Variants in CTF1 observed in about 807,000 individuals in gnomAD.
The protein encoded by CTF1 is cardiotrophin 1.
A neutral mutation model predicts 10.9 loss-of-function variants in CTF1; 9 were observed. The ratio of observed to expected loss-of-function variants is 0.83; its 90% CI spans 0.50 to 1.44. The LOEUF is 1.44. CTF1 is among the 40% of genes most tolerant of loss of function. CTF1 has a pLI of 0.00. For missense variants in CTF1, 259 were observed against 275.3 expected (o/e 0.94, Z 0.42); for synonymous variants, 133 against 138.8 (o/e 0.96, Z 0.29).
intron 1 of CTF1, among the ~76,000 whole-genome samples, chr16:30,897,840 G>T (rs894835418): frequency 6.6e-6 from 1 of 152,114 alleles, no homozygotes; most frequent in Non-Finnish European, 1.5e-5. Context: ...GGGCGAAAGA[G>T]CAAGACTCCG....
Position 30,902,302 on chromosome 16 carries a change from G to A in CTF1, c.369G>A (p.Glu123=). 2.0e-6 allele frequency: 2 copies of A among 1,007,048 alleles called. No homozygotes were observed. Among genetic ancestry groups the A allele is most frequent in the Non-Finnish European group, 2.4e-6 (2 of 846,664 alleles). 62.4% of individuals were successfully genotyped at this position (1,007,048 alleles called of 1,614,324 possible). ...PRAPRLLRRL[E]DAARQARALG... is the part of the protein sequence containing the mutation. ...CGCCGCGCCTGCTGCGCCGCCTGGAGGACGCGGCGCGCCAGGCCCGGGCCC... is the reference window on the plus strand; with the variant it reads ...CGCCGCGCCTGCTGCGCCGCCTGGAAGACGCGGCGCGCCAGGCCCGGGCCC... The change falls in exon 3 of 3, where the codon GAG becomes GAA. Residue 123 remains glutamate (E), a synonymous_variant. Coordinates refer to ENST00000279804, the MANE Select transcript of CTF1 (RefSeq NM_001330.5).
chr16:30,901,172 C>T (rs1302884151), intron 2 of CTF1, among the ~76,000 whole-genome samples: 5 of 152,130 alleles, frequency 3.3e-5, no homozygotes, highest in Admixed American at 6.6e-5. Context: ...GGATTACAGG[C>T]GTGAGTCACC....
intron 2 of CTF1, among the ~76,000 whole-genome samples, chr16:30,899,836 C>G (rs1376280445): frequency 1.3e-5 from 2 of 152,200 alleles, no homozygotes; most frequent in Non-Finnish European, 2.9e-5. Flanking sequence ...ATTGCAGCCT[C>G]AACCTCCTGG....
intron 1 of CTF1, among the ~76,000 whole-genome samples, chr16:30,897,675 G>A (rs1012613498): frequency 3.3e-5 from 5 of 152,148 alleles, no homozygotes; most frequent in African/African-American, 9.6e-5. Flanking sequence ...GCAACATGGC[G>A]AAACCCTGTC....
intron 1 of CTF1, 136 bp downstream of exon 1, chr16:30,896,804 G>C: frequency 1.4e-6 from 1 of 702,708 alleles, no homozygotes; most frequent in Non-Finnish European, 2.0e-6. Flanking sequence ...CAGGGCTCCG[G>C]TGTCAGGTAA....
intron 2 of CTF1, among the ~76,000 whole-genome samples, chr16:30,901,025 C>T (rs1379413180): frequency 2.6e-5 from 4 of 151,902 alleles, no homozygotes; most frequent in Non-Finnish European, 5.9e-5. Context: ...TCCTGAGTAG[C>T]TGGGATTACA....
intron 2 of CTF1, among the ~76,000 whole-genome samples, chr16:30,901,576 CTATT>C (rs1378819441): frequency 1.3e-5 from 2 of 151,844 alleles, no homozygotes; most frequent in South Asian, 2.1e-4. Context: ...TTATTAGGTC[CTATT>C]TATTTATTTA....
Position 30,897,077 on chromosome 16 carries a change from A to C in CTF1, c.25+409A>C, listed in dbSNP as rs569124211. On this transcript the variant is annotated intron_variant, in intron 1 of 2. Coordinates refer to ENST00000279804, the MANE Select transcript of CTF1 (RefSeq NM_001330.5). The stretch of plus-strand genomic sequence containing the variant: ...AGTAGTGAGTGACAACAGGAGACGA[A>C]AGTCTGGGCTGCTGAGGATCGCGAC... Among the ~76,000 whole-genome samples, 29 of 142,136 alleles carry C rather than the reference A, an allele frequency of 2.0e-4. No individual in the cohort carries two copies. In the East Asian group the frequency reaches 6.8e-3, roughly 33 times the overall value. The allele number at this position is 142,136 out of a possible 152,430, so 93.2% of individuals were successfully genotyped here. A position where few individuals can be genotyped will look rare whatever the true frequency, so the allele number is the denominator to read the frequency against.
In CTF1 at chr16:30,896,759, G is replaced by A. The variant is rs990972294; in HGVS notation, c.25+91G>A. ...GGGGGTCTGGGTTTCCGCCACCCCC[G>A]GGTCCGGGAGGGGAGCGGCCTTGGC... On this transcript the variant is annotated intron_variant, in intron 1 of 2. Coordinates refer to ENST00000279804, the MANE Select transcript of CTF1 (RefSeq NM_001330.5). 4.4e-6 allele frequency: 5 copies of A among 1,141,638 alleles called. No homozygotes were observed. In the African/African-American group the frequency reaches 6.4e-5, roughly 15 times the overall value. The allele number at this position is 1,141,638 out of a possible 1,614,324, so 70.7% of individuals were successfully genotyped here.
At chr16:30,898,054 G>A (rs1049236533) in intron 1 of CTF1, among the ~76,000 whole-genome samples, 4 of 151,210 alleles carry the variant, frequency 2.6e-5, no homozygotes, top group Non-Finnish European at 5.9e-5. Flanking sequence ...GTAGAGATGA[G>A]GTTTCATCAT....
At chr16:30,897,590 A>G (rs528343873) in intron 1 of CTF1, among the ~76,000 whole-genome samples, 2 of 152,312 alleles carry the variant, frequency 1.3e-5, no homozygotes, top group Non-Finnish European at 2.9e-5. Flanking sequence ...CATGCACTGC[A>G]TAACAACATT....
chr16:30,896,565 G>A (rs2055351293), upstream of CTF1: 18 of 1,218,596 alleles, frequency 1.5e-5, no homozygotes, highest in Non-Finnish European at 1.9e-5. Flanking sequence ...CTGCGCCCGG[G>A]CCACGCCCCC....
intron 1 of CTF1, among the ~76,000 whole-genome samples, chr16:30,898,908 C>T (rs1023530176): frequency 1.3e-5 from 2 of 152,186 alleles, no homozygotes; most frequent in Non-Finnish European, 2.9e-5. Context: ...ATCCACCTGC[C>T]TTGGCCTCCC....
At chr16:30,902,001 G>A (rs1320826779) in intron 2 of CTF1, 77 bp from the exon 3 acceptor site, 8 of 1,258,256 alleles carry the variant, frequency 6.4e-6, no homozygotes, top group African/African-American at 1.6e-5. Context: ...CCCCCAGAGA[G>A]CGGGTTGGAG....
chr16:30,902,617 T>C lies in CTF1; in HGVS notation c.*78T>C. 7.1e-7 allele frequency: 1 copy of C among 1,402,654 alleles called. No individual in the cohort carries two copies. The highest frequency in any genetic ancestry group is 9.3e-7 in the Non-Finnish European group (1 of 1,072,528). The allele number at this position is 1,402,654 out of a possible 1,614,324, so 86.9% of individuals were successfully genotyped here. On this transcript the variant is annotated 3_prime_UTR_variant, in exon 3 of 3. Transcript: ENST00000279804. The stretch of plus-strand genomic sequence containing the variant: ...CCGCTTCTTTGTCTTTCTCTGCCGC[T>C]GTCGGTGTCTGTCTGTCTGCTCTTA...
Position 30,902,648 on chromosome 16 carries a change from C to T in CTF1, c.*109C>T. 1.5e-6 allele frequency: 2 copies of T among 1,321,372 alleles called. No homozygotes were observed. The highest frequency in any genetic ancestry group is 1.9e-6 in the Non-Finnish European group (2 of 1,027,224). 81.9% of individuals were successfully genotyped at this position (1,321,372 alleles called of 1,614,324 possible). A position where few individuals can be genotyped will look rare whatever the true frequency, so the allele number is the denominator to read the frequency against. The stretch of plus-strand genomic sequence containing the variant: ...TGTCTGTCTGTCTGCTCTTAGCTGT[C>T]TCCATTGCCTCGGCCTTCTTTGCTT... On this transcript the variant is annotated 3_prime_UTR_variant, in exon 3 of 3. Coordinates refer to ENST00000279804, the MANE Select transcript of CTF1 (RefSeq NM_001330.5).
chr16:30,902,736 G>A lies in CTF1; in HGVS notation c.*197G>A, dbSNP rs2055417584. On this transcript the variant is annotated 3_prime_UTR_variant, in exon 3 of 3. Coordinates refer to ENST00000279804, the MANE Select transcript of CTF1 (RefSeq NM_001330.5). Reference sequence around the variant, plus strand: ...GTCGCCCAGGCTGGGGTGCAGTGGCGCGATCCCAGCACTGCAGCCTCAACC... The same window carrying A: ...GTCGCCCAGGCTGGGGTGCAGTGGCACGATCCCAGCACTGCAGCCTCAACC... The A allele has an allele frequency of 3.9e-6, 3 of 768,414 alleles. No homozygotes were observed. Among genetic ancestry groups the A allele is most frequent in the Non-Finnish European group, 3.6e-6 (2 of 549,762 alleles). 47.6% of individuals were successfully genotyped at this position (768,414 alleles called of 1,614,324 possible). A position where few individuals can be genotyped will look rare whatever the true frequency, so the allele number is the denominator to read the frequency against.
chr16:30,899,572 G>GC, intron 2 of CTF1, 39 bp downstream of exon 2: 6 of 832,148 alleles, frequency 7.2e-6, no homozygotes, highest in African/African-American at 1.7e-5. Flanking sequence ...GGGGCCTGGG[G>GC]AATGGGAGCA....
At chr16:30,897,681 C>G (rs1567329855) in intron 1 of CTF1, among the ~76,000 whole-genome samples, 1 of 152,098 alleles carries the variant, frequency 6.6e-6, no homozygotes, top group Non-Finnish European at 1.5e-5. Context: ...TGGCGAAACC[C>G]TGTCTCTACA....
Sources: allele counts gnomAD v4.1 joint callset (sites outside exome capture counted in the v4.1 genomes callset), GRCh38; gene constraint gnomAD v4.1.1; transcripts MANE v1.5; gene names NCBI Gene and HGNC (gene_info 2026-07-23, HGNC 2026-07-21).